Variants in ROBO2 observed in about 807,000 individuals in gnomAD.
The protein encoded by ROBO2 is roundabout homolog 2.
A neutral mutation model predicts 160.8 loss-of-function variants in ROBO2; 53 were observed. The ratio of observed to expected loss-of-function variants is 0.33; its 90% CI spans 0.26 to 0.41. The LOEUF is 0.41. ROBO2 is among the 10% of genes least tolerant of loss of function. ROBO2 has a pLI of 1.00. For missense variants in ROBO2, 1,577 were observed against 1,722.4 expected (o/e 0.92, Z 1.49); for synonymous variants, 664 against 611.7 (o/e 1.09, Z -1.26).
At chr3:76,442,468 T>C (rs1357069683) in intron 2 of ROBO2, among the ~76,000 whole-genome samples, 1 of 152,162 alleles carries the variant, frequency 6.6e-6, no homozygotes, top group Non-Finnish European at 1.5e-5. Flanking sequence ...GAGATGGCTC[T>C]TTACTGGTGG....
intron 2 of ROBO2, among the ~76,000 whole-genome samples, chr3:76,820,996 T>G (rs764370247): frequency 6.6e-6 from 1 of 151,996 alleles, no homozygotes; most frequent in Non-Finnish European, 1.5e-5. Flanking sequence ...TGGAAGCTGG[T>G]GAAAATTTTA....
At chr3:76,594,094 G>T (rs951375661) in intron 2 of ROBO2, among the ~76,000 whole-genome samples, 1 of 151,954 alleles carries the variant, frequency 6.6e-6, no homozygotes, top group Non-Finnish European at 1.5e-5. Flanking sequence ...AATCCTTTAA[G>T]TTTAGAGTAG....
intron 2 of ROBO2, among the ~76,000 whole-genome samples, chr3:76,663,919 G>A (rs574228467): frequency 6.6e-6 from 1 of 151,338 alleles, no homozygotes; most frequent in East Asian, 1.9e-4. Context: ...AAAAAAAAAA[G>A]AAAAGGCATT....
intron 2 of ROBO2, among the ~76,000 whole-genome samples, chr3:77,201,026 A>G (rs750354734): frequency 1.3e-5 from 2 of 152,218 alleles, no homozygotes; most frequent in Non-Finnish European, 2.9e-5. Context: ...TCTAGTTATC[A>G]TATATGAAGC....
At chr3:77,196,147 G>A (rs937558998) in intron 2 of ROBO2, among the ~76,000 whole-genome samples, 2 of 152,160 alleles carry the variant, frequency 1.3e-5, no homozygotes, top group East Asian at 3.8e-4. Context: ...AGCTAATAGG[G>A]GAGCCCCAGA....
chr3:77,566,939 G>T (rs1305001860), intron 12 of ROBO2, among the ~76,000 whole-genome samples: 1 of 151,934 alleles, frequency 6.6e-6, no homozygotes, highest in Non-Finnish European at 1.5e-5. Context: ...AGAGAATCTA[G>T]AAATCTTTTA....
In ROBO2 at chr3:76,141,060, CAT is replaced by C. The variant is rs55691222; in HGVS notation, c.109+203474_109+203475del. On this transcript the variant is annotated intron_variant, in intron 2 of 26. Transcript: ENST00000487694. ...ACACACACAGATGTCTTTTTACATA[CAT>C]ATATATATATATATAAAATATATGT... 3.3e-3 allele frequency among the ~76,000 whole-genome samples: 175 copies of C among 53,588 alleles called. 19 individuals are homozygous for C. The highest frequency in any genetic ancestry group is 0.023 in the South Asian group (25 of 1,086). 35.2% of individuals were successfully genotyped at this position (53,588 alleles called of 152,430 possible).
chr3:76,806,558 A>T (rs761278102), intron 2 of ROBO2, among the ~76,000 whole-genome samples: 1 of 152,022 alleles, frequency 6.6e-6, no homozygotes, highest in African/African-American at 2.4e-5. Context: ...ATATGGTCAC[A>T]TCAAAAGCAA....
chr3:76,917,369 A>G (rs1577465666), intron 2 of ROBO2, among the ~76,000 whole-genome samples: 2 of 152,306 alleles, frequency 1.3e-5, no homozygotes, highest in East Asian at 1.9e-4. Flanking sequence ...CCTGCAGGCA[A>G]CACTTAACAT....
chr3:77,279,258 A>G (rs1278003512), intron 2 of ROBO2, among the ~76,000 whole-genome samples: 3 of 151,994 alleles, frequency 2.0e-5, no homozygotes, highest in African/African-American at 7.2e-5. Flanking sequence ...ATGACCATAA[A>G]TTTTTTTAAC....
At chr3:76,636,848 T>C (rs200412484) in intron 2 of ROBO2, among the ~76,000 whole-genome samples, 1 of 151,048 alleles carries the variant, frequency 6.6e-6, no homozygotes, top group East Asian at 2.0e-4. Context: ...AGGGTGACAA[T>C]AGGTGATTTA....
intron 2 of ROBO2, among the ~76,000 whole-genome samples, chr3:76,440,199 C>G (rs1327910619): frequency 2.0e-5 from 3 of 151,994 alleles, no homozygotes; most frequent in African/African-American, 4.8e-5. Flanking sequence ...AGATGTACAA[C>G]CCCAATCAAG....
chr3:76,370,005 A>G (rs1288105336), intron 2 of ROBO2, among the ~76,000 whole-genome samples: 7 of 151,994 alleles, frequency 4.6e-5, no homozygotes, highest in African/African-American at 1.7e-4. Flanking sequence ...ATAGACACTC[A>G]TTAATAAATT....
intron 2 of ROBO2, among the ~76,000 whole-genome samples, chr3:77,390,664 A>T (rs982076845): frequency 6.6e-5 from 10 of 152,210 alleles, no homozygotes; most frequent in Admixed American, 1.3e-4. Context: ...GTGATAACAG[A>T]TAATAAAGCA....
chr3:76,871,485 C>T (rs1246510951), intron 2 of ROBO2, among the ~76,000 whole-genome samples: 43 of 145,438 alleles, frequency 3.0e-4, no homozygotes, highest in African/African-American at 1.0e-3. Flanking sequence ...ACCCGGGAGG[C>T]GGAGCTTGCA....
intron 2 of ROBO2, among the ~76,000 whole-genome samples, chr3:76,326,972 A>T (rs1300869793): frequency 6.6e-6 from 1 of 151,954 alleles, no homozygotes; most frequent in African/African-American, 2.4e-5. Flanking sequence ...TTACATACAT[A>T]ATTTTGTATC....
intron 2 of ROBO2, among the ~76,000 whole-genome samples, chr3:76,328,651 G>C (rs1258447282): frequency 6.6e-6 from 1 of 151,816 alleles, no homozygotes; most frequent in Non-Finnish European, 1.5e-5. Flanking sequence ...ACGAGGTCAG[G>C]GGATCGAGAC....
At chr3:76,646,159 G>A (rs1386929075) in intron 2 of ROBO2, among the ~76,000 whole-genome samples, 2 of 152,158 alleles carry the variant, frequency 1.3e-5, no homozygotes, top group African/African-American at 4.8e-5. Context: ...AGGTTAAAGA[G>A]GAGTTGTAAG....
intron 2 of ROBO2, among the ~76,000 whole-genome samples, chr3:76,035,313 C>G (rs1027942951): frequency 6.6e-6 from 1 of 151,510 alleles, no homozygotes; most frequent in South Asian, 2.1e-4. Flanking sequence ...ACTGAGTCTT[C>G]CTAGTAACAA....
Sources: allele counts gnomAD v4.1 joint callset (sites outside exome capture counted in the v4.1 genomes callset), GRCh38; gene constraint gnomAD v4.1.1; transcripts MANE v1.5; gene names NCBI Gene and HGNC (gene_info 2026-07-23, HGNC 2026-07-21).